ANKRD26: variants seen among roughly 807,000 people sequenced by gnomAD.
ANKRD26 encodes the protein ankyrin repeat domain 26.
ANKRD26 carries 141 observed loss-of-function variants against 208.7 expected under a neutral mutation model. The observed-to-expected ratio is 0.68, with a 90% CI of 0.59 to 0.78. The LOEUF (loss-of-function observed/expected upper bound fraction) is 0.78. Ranked by LOEUF, ANKRD26 falls within the 30% of genes least tolerant of loss-of-function variation. ANKRD26 has a pLI of 0.00. For synonymous variants in ANKRD26, 636 were observed against 660.4 expected, an observed-to-expected ratio of 0.96 and a Z score of 0.57; for missense variants, 1,889 against 1,938.7, an observed-to-expected ratio of 0.97 and a Z score of 0.48.
intron 25 of ANKRD26, among the ~76,000 whole-genome samples, chr10:27,032,885 C>T (rs533621073): frequency 1.3e-5 from 2 of 150,448 alleles, no homozygotes; most frequent in East Asian, 4.0e-4. Context: ...TCCTGGCTAA[C>T]ACGGTGAAAC....
intron 1 of ANKRD26, among the ~76,000 whole-genome samples, chr10:27,097,995 C>T (rs549274247): frequency 1.3e-4 from 19 of 151,902 alleles, no homozygotes; most frequent in African/African-American, 4.3e-4. Flanking sequence ...CATAAGGACA[C>T]AACTAAAATA....
At chr10:27,057,388 ATTTG>A (rs2054874526) in intron 15 of ANKRD26, among the ~76,000 whole-genome samples, 3 of 151,988 alleles carry the variant, frequency 2.0e-5, no homozygotes, top group South Asian at 2.1e-4. Context: ...TCCATAAGAG[ATTTG>A]TTTATTAATA....
At chr10:26,992,795 A>G (rs192318534) in intron 5 of ANKRD26, among the ~76,000 whole-genome samples, 6 of 152,226 alleles carry the variant, frequency 3.9e-5, no homozygotes, top group Admixed American at 3.9e-4. Flanking sequence ...TCAATTACCA[A>G]GGGTTTTAGA....
chr10:27,005,915 G>T (rs2052859550), intron 33 of ANKRD26, among the ~76,000 whole-genome samples, 192 bp from the exon 34 acceptor site: 1 of 152,094 alleles, frequency 6.6e-6, no homozygotes, highest in South Asian at 2.1e-4. Context: ...TATCCTTGTG[G>T]TTAAATATCA....
chr10:26,970,424 T>C (rs1030253254), downstream of ANKRD26, among the ~76,000 whole-genome samples: 1 of 152,116 alleles, frequency 6.6e-6, no homozygotes, highest in African/African-American at 2.4e-5. Flanking sequence ...AGTGACTTCT[T>C]GTGAGATCTA....
chr10:27,012,695 C>A (rs973364433), intron 32 of ANKRD26, among the ~76,000 whole-genome samples, 187 bp downstream of exon 32: 1 of 152,078 alleles, frequency 6.6e-6, no homozygotes, highest in Non-Finnish European at 1.5e-5. Context: ...CACCTGTAAT[C>A]CCAGCTATCT....
At chr10:27,009,121 G>A (rs1183423883) in intron 32 of ANKRD26, among the ~76,000 whole-genome samples, 1 of 152,190 alleles carries the variant, frequency 6.6e-6, no homozygotes, top group Non-Finnish European at 1.5e-5. Context: ...TTACAGGCAG[G>A]AGCCACCATG....
At chr10:26,987,956 T>C (rs758755341), downstream of ANKRD26, among the ~76,000 whole-genome samples, 7 of 152,158 alleles carry the variant, frequency 4.6e-5, no homozygotes, top group Non-Finnish European at 1.0e-4. Context: ...GATCACTAGG[T>C]TTCTGGTCAG....
At chr10:27,055,513 G>A (rs1589294145) in intron 15 of ANKRD26, among the ~76,000 whole-genome samples, 1 of 152,232 alleles carries the variant, frequency 6.6e-6, no homozygotes. Flanking sequence ...TATTACTGTA[G>A]ACCAGATCAC....
chr10:26,969,212 A>G (rs563729562), downstream of ANKRD26, among the ~76,000 whole-genome samples: 31 of 152,304 alleles, frequency 2.0e-4, no homozygotes, highest in South Asian at 6.4e-3. Flanking sequence ...TGTGGCTCCT[A>G]TGGACCTATA....
intron 18 of ANKRD26, among the ~76,000 whole-genome samples, chr10:27,045,150 G>A (rs11015476): frequency 0.085 from 13,005 of 152,154 alleles, 686 homozygotes; most frequent in African/African-American, 0.15. Flanking sequence ...GAAGCTGGGC[G>A]TGCTGGCTCA....
Position 27,078,180 on chromosome 10 carries a change from C to T in ANKRD26, c.814-487G>A, listed in dbSNP as rs947593914. On this transcript the variant is annotated intron_variant, in intron 7 of 33. Transcript: ENST00000376087. ...GGGTTGGCACTGCAAATAGTATAGG[C>T]TGCTTCTATTCTGTCAAAAAGCTAA... 2.6e-5 allele frequency among the ~76,000 whole-genome samples: 4 copies of T among 152,070 alleles called. No homozygotes were observed. The South Asian group carries it at 8.3e-4, about 31-fold the overall frequency.
At position 27,033,225 on chromosome 10, in the gene ANKRD26, T is replaced by C; in HGVS notation, c.3807A>G (p.Gln1269=). The C allele has an allele frequency of 6.2e-7, 1 of 1,607,642 alleles. No individual in the cohort carries two copies. The highest frequency in any genetic ancestry group is 1.1e-5 in the South Asian group (1 of 90,664). The change falls in exon 25 of 34, where the codon CAA becomes CAG. Residue 1269 remains glutamine, a splice_region_variant and synonymous_variant. Coordinates refer to ENST00000376087, the MANE Select transcript of ANKRD26 (RefSeq NM_014915.3). Reference sequence around the variant, plus strand: ...TTGACATGTTAAATTTCATACATACTTGATTTCTGATTTGACCTAATTTCT... The same window carrying C: ...TTGACATGTTAAATTTCATACATACCTGATTTCTGATTTGACCTAATTTCT... ...LKKKLGQIRN[Q]LQEAQDRHTE...
chr10:26,989,591 T>C (rs143381360), downstream of ANKRD26, among the ~76,000 whole-genome samples: 161 of 152,274 alleles, frequency 1.1e-3, 1 homozygote, highest in African/African-American at 3.8e-3. Flanking sequence ...CAACTCAACC[T>C]TTGACCAGGG....
At chr10:27,039,341 C>A (rs2054150410) in intron 21 of ANKRD26, among the ~76,000 whole-genome samples, 1 of 151,818 alleles carries the variant, frequency 6.6e-6, no homozygotes, top group African/African-American at 2.4e-5. Flanking sequence ...GTAATCCCAG[C>A]TTCTTGTGAG....
intron 27 of ANKRD26, among the ~76,000 whole-genome samples, chr10:27,027,025 A>G (rs1387926804): frequency 6.6e-6 from 1 of 152,100 alleles, no homozygotes; most frequent in Non-Finnish European, 1.5e-5. Flanking sequence ...ACCTCAGGTG[A>G]TCCACCCGCC....
intron 33 of ANKRD26, 78 bp from the exon 34 acceptor site, chr10:27,005,801 T>G: frequency 6.6e-7 from 1 of 1,525,274 alleles, no homozygotes; most frequent in Non-Finnish European, 8.8e-7. Flanking sequence ...GTAAAAGAGT[T>G]GAGAATTTTG....
chr10:27,093,822 T>A, intron 1 of ANKRD26, 23 bp from the exon 2 acceptor site: 1 of 1,538,048 alleles, frequency 6.5e-7, no homozygotes, highest in Non-Finnish European at 9.0e-7. Flanking sequence ...CAGGACTTTT[T>A]ATAAACTGTA....
intron 4 of ANKRD26, among the ~76,000 whole-genome samples, chr10:26,997,772 G>T (rs2052626344): frequency 6.6e-6 from 1 of 152,174 alleles, no homozygotes; most frequent in African/African-American, 2.4e-5. Flanking sequence ...CGGAGAAAAT[G>T]CTAAACCGCC....
Sources: gnomAD v4.1 joint callset for allele counts (sites outside exome capture counted in the v4.1 genomes callset) on GRCh38, gnomAD v4.1.1 for gene constraint, MANE v1.5 for transcripts, NCBI Gene and HGNC (gene_info 2026-07-23, HGNC 2026-07-21) for gene names.